PHF11: variants seen among roughly 807,000 people sequenced by gnomAD.
PHF11 encodes the protein PHD finger protein 11.
A neutral mutation model predicts 40.5 loss-of-function variants in PHF11; 38 were observed. The ratio of observed to expected loss-of-function variants is 0.94; its 90% CI spans 0.72 to 1.23. The LOEUF is 1.23. PHF11 is among the 50% of genes most tolerant of loss of function. The pLI, the probability that PHF11 is intolerant of heterozygous loss-of-function variation, is 0.00. For missense variants in PHF11, 369 were observed against 392.4 expected, an observed-to-expected ratio of 0.94 and a Z score of 0.50; for synonymous variants, 127 against 138.2, an observed-to-expected ratio of 0.92 and a Z score of 0.57.
intron 1 of PHF11, among the ~76,000 whole-genome samples, chr13:49,498,656 A>G (rs1207412477): frequency 6.6e-6 from 1 of 152,256 alleles, no homozygotes; most frequent in African/African-American, 2.4e-5. Context: ...AACGTAATAC[A>G]TTTCAGATAG....
intron 7 of PHF11, 69 bp downstream of exon 7, chr13:49,523,310 T>TTATTA: frequency 9.9e-7 from 1 of 1,005,148 alleles, no homozygotes; most frequent in Non-Finnish European, 1.6e-6. Flanking sequence ...CCCACCTGTT[T>TTATTA]CAAACTTGGT....
At chr13:49,526,501 ATATT>A (rs10546234) in intron 9 of PHF11, 43 bp downstream of exon 9, 485,408 of 983,164 alleles carry the variant, frequency 0.49, 124,482 homozygotes, top group Non-Finnish European at 0.53. Flanking sequence ...GTTTTGAGAA[ATATT>A]TATCACGATA....
Position 49,522,049 on chromosome 13 carries a change from T to A in PHF11, c.512T>A (p.Phe171Tyr). The A allele has an allele frequency of 6.7e-7, 1 of 1,484,990 alleles. No homozygotes were observed. Among genetic ancestry groups the A allele is most frequent in the Non-Finnish European group, 9.4e-7 (1 of 1,064,304 alleles). 92.0% of individuals were successfully genotyped at this position (1,484,990 alleles called of 1,614,324 possible). A position where few individuals can be genotyped will look rare whatever the true frequency, so the allele number is the denominator to read the frequency against. ...QFPIIAQSAK[F>Y]SGVKRKRGRK... ...AAATGGTTTATATTTTTAGCTAAATTTTCAGGAGTGAAAAGAAAAAGAGGA... is the reference window on the plus strand; with the variant it reads ...AAATGGTTTATATTTTTAGCTAAATATTCAGGAGTGAAAAGAAAAAGAGGA... The change falls in exon 6 of 10, where the codon TTT becomes TAT. Residue 171 changes from phenylalanine (F) to tyrosine (Y), a missense_variant. Physicochemically the swap from Phe to Tyr is conservative, Grantham distance 22 (BLOSUM62 3). Transcript: ENST00000378319.
Position 49,495,987 on chromosome 13 carries a change from A to C in PHF11, c.-15A>C, listed in dbSNP as rs1257073301. On this transcript the variant is annotated 5_prime_UTR_variant, in exon 1 of 10. Coordinates refer to ENST00000378319, the MANE Select transcript of PHF11 (RefSeq NM_001040443.3). ...ATCTCGCTATCCGGCCGCCACCCGC[A>C]GCTGCAGCACAGTCATGGCCCAGGC... 6.7e-7 allele frequency: 1 copy of C among 1,490,228 alleles called. No homozygotes were observed. The highest frequency in any genetic ancestry group is 1.2e-5 in the South Asian group (1 of 81,628). 92.3% of individuals were successfully genotyped at this position (1,490,228 alleles called of 1,614,324 possible).
Position 49,522,761 on chromosome 13 carries a change from TTTTTTG to T in PHF11, c.571-408_571-403del, listed in dbSNP as rs1566196752. The stretch of plus-strand genomic sequence containing the variant: ...TTACATCTAAATATGAATATGGGGT[TTTTTTG>T]TTTTTTTTTTTTTTTGAGACAGAGT... On this transcript the variant is annotated intron_variant, in intron 6 of 9. Transcript: ENST00000378319. Among the ~76,000 whole-genome samples, 123 of 31,494 alleles carry T rather than the reference TTTTTTG, an allele frequency of 3.9e-3. 3 individuals are homozygous for T. The highest frequency in any genetic ancestry group is 0.011 in the African/African-American group (120 of 11,170). 20.7% of individuals were successfully genotyped at this position (31,494 alleles called of 152,430 possible).
Position 49,526,468 on chromosome 13 carries a change from TTA to T in PHF11, c.841+15_841+16del, listed in dbSNP as rs1959284277. ...GTAAATTTTCAAGCAGGTATATGAGTTATATAACATCTGAGCAGCATAGTTTT... is the reference window on the plus strand; with the variant it reads ...GTAAATTTTCAAGCAGGTATATGAGTTATAACATCTGAGCAGCATAGTTTT... On this transcript the variant is annotated intron_variant, in intron 9 of 9. Transcript: ENST00000378319. The T allele has an allele frequency of 1.4e-6, 2 of 1,454,302 alleles. No homozygotes were observed. Among genetic ancestry groups the T allele is most frequent in the African/African-American group, 1.4e-5 (1 of 71,706 alleles). The allele number at this position is 1,454,302 out of a possible 1,614,324, so 90.1% of individuals were successfully genotyped here. A position where few individuals can be genotyped will look rare whatever the true frequency, so the allele number is the denominator to read the frequency against.
intron 3 of PHF11, among the ~76,000 whole-genome samples, chr13:49,515,356 C>T (rs1334312857): frequency 6.6e-6 from 1 of 151,896 alleles, no homozygotes; most frequent in Non-Finnish European, 1.5e-5. Flanking sequence ...AGCAAGCAGG[C>T]TCCTCCCTAG....
intron 3 of PHF11, among the ~76,000 whole-genome samples, 161 bp from the exon 4 acceptor site, chr13:49,517,857 A>G (rs1159506500): frequency 6.6e-6 from 1 of 152,212 alleles, no homozygotes; most frequent in Non-Finnish European, 1.5e-5. Context: ...AGCCAAATAT[A>G]AGTACTGTAC....
At chr13:49,505,985 TTTC>T (rs1000469548) in intron 1 of PHF11, among the ~76,000 whole-genome samples, 19 of 152,196 alleles carry the variant, frequency 1.2e-4, no homozygotes, top group African/African-American at 4.6e-4. Flanking sequence ...ATGCCATTGT[TTTC>T]TTCTTCATTT....
intron 1 of PHF11, chr13:49,496,493 G>C: frequency 1.0e-6 from 1 of 993,810 alleles, no homozygotes; most frequent in Non-Finnish European, 1.2e-6. Flanking sequence ...GTGAGGCAGG[G>C]GGCGGCCCTG....
chr13:49,496,447 C>A (rs1230208761), intron 1 of PHF11: 1 of 1,035,928 alleles, frequency 9.7e-7, no homozygotes, highest in Non-Finnish European at 1.2e-6. Context: ...CTCCGCTCAC[C>A]GGTAAACCAG....
Position 49,528,828 on chromosome 13 carries a change from A to T in PHF11, c.*163A>T. On this transcript the variant is annotated 3_prime_UTR_variant, in exon 10 of 10. Transcript: ENST00000378319. ...TTGACATTTTGATCACTCTTTGCACACTCTTGTGTTTTTTGCTCACTGTCA... is the reference window on the plus strand; with the variant it reads ...TTGACATTTTGATCACTCTTTGCACTCTCTTGTGTTTTTTGCTCACTGTCA... 7.4e-6 allele frequency: 4 copies of T among 542,534 alleles called. No homozygotes were observed. Among genetic ancestry groups the T allele is most frequent in the South Asian group, 2.9e-5 (1 of 34,470 alleles). 33.6% of individuals were successfully genotyped at this position (542,534 alleles called of 1,614,324 possible).
Position 49,496,063 on chromosome 13 carries a change from G to T in PHF11, c.62G>T (p.Arg21Leu), listed in dbSNP as rs1958798634. The change falls in exon 1 of 10, where the codon CGG becomes CTG. Residue 21 changes from arginine to leucine, a missense_variant. Coordinates refer to ENST00000378319, the MANE Select transcript of PHF11 (RefSeq NM_001040443.3). ...RVLGASSPEA[R>L]PAQEALLLPT... ...CTCGGCGCCAGCAGCCCGGAGGCCCGGCCCGCGCAGGAGGCGCTCCTCCTT... is the reference window on the plus strand; with the variant it reads ...CTCGGCGCCAGCAGCCCGGAGGCCCTGCCCGCGCAGGAGGCGCTCCTCCTT... The T allele has an allele frequency of 6.9e-7, 1 of 1,452,446 alleles. No homozygotes were observed. Among genetic ancestry groups the T allele is most frequent in the South Asian group, 1.3e-5 (1 of 74,496 alleles). 90.0% of individuals were successfully genotyped at this position (1,452,446 alleles called of 1,614,324 possible). A position where few individuals can be genotyped will look rare whatever the true frequency, so the allele number is the denominator to read the frequency against.
At chr13:49,498,792 C>T (rs920502194) in intron 1 of PHF11, among the ~76,000 whole-genome samples, 6 of 152,150 alleles carry the variant, frequency 3.9e-5, no homozygotes, top group Admixed American at 6.5e-5. Flanking sequence ...CCTTCCACAC[C>T]GCTGCCAGCA....
At chr13:49,503,311 G>C (rs533638336) in intron 1 of PHF11, among the ~76,000 whole-genome samples, 4 of 151,876 alleles carry the variant, frequency 2.6e-5, no homozygotes, top group African/African-American at 9.7e-5. Context: ...TCCTTCCCAC[G>C]AGGAGCACTT....
At chr13:49,527,256 G>T (rs1293144915) in intron 9 of PHF11, 1 of 152,086 alleles carries the variant, frequency 6.6e-6, no homozygotes, top group Non-Finnish European at 1.5e-5. Flanking sequence ...TATGAGTCTG[G>T]TCTGACTTCT....
chr13:49,499,940 T>G (rs1958877184), intron 1 of PHF11, among the ~76,000 whole-genome samples: 1 of 152,240 alleles, frequency 6.6e-6, no homozygotes, highest in African/African-American at 2.4e-5. Context: ...CCACGCTTCC[T>G]GGCTACCCCA....
At chr13:49,527,952 T>C (rs1223696504) in intron 9 of PHF11, among the ~76,000 whole-genome samples, 1 of 152,232 alleles carries the variant, frequency 6.6e-6, no homozygotes, top group Non-Finnish European at 1.5e-5. Context: ...AACTGTTCGA[T>C]TTTGAGGCTT....
At chr13:49,515,697 C>G (rs543450433) in intron 3 of PHF11, among the ~76,000 whole-genome samples, 1 of 152,222 alleles carries the variant, frequency 6.6e-6, no homozygotes, top group Non-Finnish European at 1.5e-5. Flanking sequence ...CGGAGTCACC[C>G]ATCTTGTTCT....
Sources: gnomAD v4.1 joint callset for allele counts (sites outside exome capture counted in the v4.1 genomes callset) on GRCh38, gnomAD v4.1.1 for gene constraint, MANE v1.5 for transcripts, NCBI Gene and HGNC (gene_info 2026-07-23, HGNC 2026-07-21) for gene names.